The following UMODL1 variants were observed in gnomAD, a reference collection of about 807,000 sequenced individuals.
UMODL1 encodes uromodulin like 1, also known as uromodulin-like 1.
Under a neutral mutation model 136.3 loss-of-function variants are expected in UMODL1, and 128 were observed. That is an observed-to-expected ratio of 0.94 (90% confidence interval 0.81 to 1.09). The LOEUF (loss-of-function observed/expected upper bound fraction) is 1.09, where lower values mean the gene tolerates loss of function less well. Ranked by LOEUF, UMODL1 falls within the 50% of genes least tolerant of loss-of-function variation. The pLI, the probability that UMODL1 is intolerant of heterozygous loss-of-function variation, is 0.00. For synonymous variants in UMODL1, 721 were observed against 720.0 expected, an observed-to-expected ratio of 1.00 and a Z score of -0.02; for missense variants, 1,766 against 1,725.6, an observed-to-expected ratio of 1.02 and a Z score of -0.41.
Position 42,076,187 on chromosome 21 carries a change from T to A in UMODL1, c.259T>A (p.Ser87Thr). 1.2e-6 allele frequency: 2 copies of A among 1,614,192 alleles called. No individual in the cohort carries two copies. Among genetic ancestry groups the A allele is most frequent in the Non-Finnish European group, 1.7e-6 (2 of 1,180,040 alleles). Reference sequence around the variant, plus strand: ...GTACCTGGTAGTGGAGGTCCCCGAGTCCAGGAACGTGACTGACTGCTGTGA... The same window carrying A: ...GTACCTGGTAGTGGAGGTCCCCGAGACCAGGAACGTGACTGACTGCTGTGA... ...TQYLVVEVPE[S>T]RNVTDCCEGY... The change falls in exon 2 of 23, where the codon TCC (serine) becomes ACC (threonine). Residue 87 changes from serine to threonine, a missense_variant. Ser to Thr is a moderately conservative substitution (Grantham distance 58, BLOSUM62 1). Transcript: ENST00000408910.
At chr21:42,114,026 C>T (rs1441102378) in intron 13 of UMODL1, among the ~76,000 whole-genome samples, 196 bp downstream of exon 13, 1 of 152,224 alleles carries the variant, frequency 6.6e-6, no homozygotes, top group African/African-American at 2.4e-5. Context: ...CAGGAAAAGG[C>T]ATTAGGCAGC....
intron 12 of UMODL1, 107 bp from the exon 13 acceptor site, chr21:42,113,466 C>T (rs951095122): frequency 1.6e-5 from 23 of 1,395,188 alleles, no homozygotes; most frequent in East Asian, 1.2e-4. Flanking sequence ...ACCTGCAAAT[C>T]GCTCATGTCC....
chr21:42,142,322 G>A lies in UMODL1; in HGVS notation c.*248G>A, dbSNP rs1450742104. Reference sequence around the variant, plus strand: ...GAGGCAGGCCGTCCTGTAGGTCCTAGAGGAGCCACAGCCCAGGGGCAGATG... The same window carrying A: ...GAGGCAGGCCGTCCTGTAGGTCCTAAAGGAGCCACAGCCCAGGGGCAGATG... On this transcript the variant is annotated 3_prime_UTR_variant, in exon 23 of 23. Coordinates refer to ENST00000408910, the MANE Select transcript of UMODL1 (RefSeq NM_001004416.3). 6.6e-6 allele frequency: 1 copy of A among 152,304 alleles called. No individual in the cohort carries two copies. The highest frequency in any genetic ancestry group is 1.9e-4 in the East Asian group (1 of 5,192). The allele number at this position is 152,304 out of a possible 1,614,324, so 9.4% of individuals were successfully genotyped here. A position where few individuals can be genotyped will look rare whatever the true frequency, so the allele number is the denominator to read the frequency against.
At position 42,121,369 on chromosome 21, in the gene UMODL1, G is replaced by A. The variant is rs1216951684; in HGVS notation, c.2827+145G>A. On this transcript the variant is annotated intron_variant, in intron 16 of 22. Coordinates refer to ENST00000408910, the MANE Select transcript of UMODL1 (RefSeq NM_001004416.3). ...TTTCCTGTGTGTGATGTGGGTGCACGTGTGTGTGTGTGTGTGTGATGTATG... is the reference window on the plus strand; with the variant it reads ...TTTCCTGTGTGTGATGTGGGTGCACATGTGTGTGTGTGTGTGTGATGTATG... 2.3e-5 allele frequency: 6 copies of A among 260,316 alleles called. No individual in the cohort carries two copies. In the African/African-American group the frequency reaches 2.6e-4, roughly 11 times the overall value. 16.1% of individuals were successfully genotyped at this position (260,316 alleles called of 1,614,324 possible).
chr21:42,071,374 C>T lies in UMODL1; in HGVS notation c.58C>T (p.Gln20Ter), dbSNP rs766292154. Residue 20 changes from glutamine to a stop codon, truncating the protein, a stop_gained, in exon 1 of 23, where the codon CAG (glutamine) becomes TAG (stop). Coordinates refer to ENST00000408910, the MANE Select transcript of UMODL1 (RefSeq NM_001004416.3). LOFTEE classifies it high-confidence loss of function. ...TCTGGTCAGTGCTGTGGGCCCAAGC[C>T]AGGCCAGCGGCTTCACAGGTGAGGG... ...LALVSAVGPS[Q>*]ASGFTEKGLS... 3 of 1,594,364 alleles carry T rather than the reference C, an allele frequency of 1.9e-6. No homozygotes were observed. The highest frequency in any genetic ancestry group is 2.6e-6 in the Non-Finnish European group (3 of 1,170,926).
intron 21 of UMODL1, among the ~76,000 whole-genome samples, chr21:42,133,628 T>G (rs1021924140): frequency 6.6e-6 from 1 of 152,258 alleles, no homozygotes; most frequent in Admixed American, 6.5e-5. Flanking sequence ...CCACAGTCTC[T>G]CGCAACATTG....
chr21:42,137,301 C>T (rs1483317251), intron 21 of UMODL1, 138 bp from the exon 22 acceptor site: 2 of 1,090,156 alleles, frequency 1.8e-6, no homozygotes, highest in Non-Finnish European at 2.7e-6. Context: ...TGGTAACCCA[C>T]AGGCACACGG....
intron 2 of UMODL1, among the ~76,000 whole-genome samples, chr21:42,078,978 G>A (rs1006826201): frequency 7.2e-5 from 11 of 152,206 alleles, no homozygotes; most frequent in Admixed American, 5.2e-4. Context: ...AGGGGATAGC[G>A]GGGGGCCATT....
At chr21:42,079,295 G>T (rs1369039427) in intron 2 of UMODL1, among the ~76,000 whole-genome samples, 2 of 152,196 alleles carry the variant, frequency 1.3e-5, no homozygotes, top group East Asian at 3.8e-4. Flanking sequence ...CCCACCACCT[G>T]CCCTGCATCC....
chr21:42,096,957 T>C (rs1304231529), intron 6 of UMODL1, among the ~76,000 whole-genome samples: 2 of 152,136 alleles, frequency 1.3e-5, no homozygotes, highest in African/African-American at 4.8e-5. Flanking sequence ...AGCCGGGTGG[T>C]TGTTAGAAGG....
At chr21:42,066,613 A>C (rs2066184962), upstream of UMODL1, among the ~76,000 whole-genome samples, 2 of 152,144 alleles carry the variant, frequency 1.3e-5, no homozygotes. Flanking sequence ...TCTTGCTCCA[A>C]GCTGCAAAAC....
intron 4 of UMODL1, among the ~76,000 whole-genome samples, chr21:42,087,356 C>T (rs1312198203): frequency 1.3e-5 from 2 of 152,106 alleles, no homozygotes; most frequent in Non-Finnish European, 2.9e-5. Context: ...AAGTGTGTAT[C>T]GGAGGACTCC....
intron 1 of UMODL1, among the ~76,000 whole-genome samples, chr21:42,064,625 C>T (rs375203093): frequency 3.3e-5 from 5 of 151,108 alleles, no homozygotes; most frequent in Admixed American, 6.6e-5. Flanking sequence ...GGTGTGATCT[C>T]GGCGCACTGC....
intron 9 of UMODL1, among the ~76,000 whole-genome samples, chr21:42,108,978 G>C (rs2066771633): frequency 1.0e-4 from 7 of 67,258 alleles, no homozygotes; most frequent in South Asian, 5.0e-4. Context: ...ATGTAAAGCT[G>C]GTGTTATGCT....
intron 6 of UMODL1, among the ~76,000 whole-genome samples, chr21:42,092,169 C>T (rs566468007): frequency 3.9e-5 from 6 of 152,114 alleles, no homozygotes; most frequent in Admixed American, 2.6e-4. Context: ...GCCAGCAGCC[C>T]GGGTTAGGAA....
At position 42,102,264 on chromosome 21, in the gene UMODL1, C is replaced by T. The variant is rs550743201; in HGVS notation, c.1285C>T (p.Gln429Ter). ...SSVEYQDFSR[Q>*]LLHEVESSFP... ...TGTGGAGTACCAGGACTTTTCTAGA[C>T]AACTGCTTCACGAGGTAAAGCCACA... Residue 429 changes from glutamine (Q) to a stop codon, truncating the protein, a stop_gained, in exon 8 of 23, where the codon CAA (glutamine) becomes TAA (stop). Coordinates refer to ENST00000408910, the MANE Select transcript of UMODL1 (RefSeq NM_001004416.3). LOFTEE classifies it high-confidence loss of function. The T allele has an allele frequency of 9.3e-6, 15 of 1,611,258 alleles. No homozygotes were observed. The highest frequency in any genetic ancestry group is 3.3e-5 in the Admixed American group (2 of 59,840).
In UMODL1 at chr21:42,127,032, A is replaced by C; in HGVS notation, c.3320A>C (p.His1107Pro). The C allele has an allele frequency of 1.2e-6, 2 of 1,614,182 alleles. No homozygotes were observed. The highest frequency in any genetic ancestry group is 2.2e-5 in the South Asian group (2 of 91,080). The change falls in exon 19 of 23, where the codon CAC becomes CCC. Residue 1107 changes from histidine (H) to proline (P), a missense_variant. Transcript: ENST00000408910. ...GTTTACACCATCATCGAGGACCTCC[A>C]CGGCGCTGGGAATTTTGTTACCGAA... ...WGVYTIIEDL[H>P]GAGNFVTEMQ...
At chr21:42,076,353 C>T in intron 2 of UMODL1, 106 bp downstream of exon 2, 2 of 1,532,486 alleles carry the variant, frequency 1.3e-6, no homozygotes, top group Admixed American at 1.7e-5. Context: ...CTAGATCTTC[C>T]AGGAGCACGG....
rs1267582321 is a variant in UMODL1, at chr21:42,103,686, G to A, written c.1300-182G>A. 6.6e-6 allele frequency: 5 copies of A among 760,468 alleles called. 1 individual carries two copies. Among genetic ancestry groups the A allele is most frequent in the Non-Finnish European group, 1.2e-5 (5 of 427,280 alleles). 47.1% of individuals were successfully genotyped at this position (760,468 alleles called of 1,614,324 possible). On this transcript the variant is annotated intron_variant, in intron 8 of 22. Transcript: ENST00000408910. Reference sequence around the variant, plus strand: ...GCCAGGCCCGGCCGTCCCAGGGAAAGCCCAGCTAAGGTGCTGTGAACGGAC... The same window carrying A: ...GCCAGGCCCGGCCGTCCCAGGGAAAACCCAGCTAAGGTGCTGTGAACGGAC...
Sources: gnomAD v4.1 joint callset for allele counts (sites outside exome capture counted in the v4.1 genomes callset) on GRCh38, gnomAD v4.1.1 for gene constraint, MANE v1.5 for transcripts, NCBI Gene and HGNC (gene_info 2026-07-23, HGNC 2026-07-21) for gene names.